DLG2: variants seen among roughly 807,000 people sequenced by gnomAD.
DLG2 encodes the protein discs large MAGUK scaffold protein 2.
A neutral mutation model predicts 132.5 loss-of-function variants in DLG2; 45 were observed. The observed-to-expected ratio is 0.34, with a 90% CI of 0.27 to 0.44. The LOEUF is 0.44. DLG2 is among the 20% of genes least tolerant of loss of function. The pLI, the probability that DLG2 is intolerant of heterozygous loss-of-function variation, is 1.00. For missense variants in DLG2, 1,045 were observed against 1,196.9 expected, an observed-to-expected ratio of 0.87 and a Z score of 1.87; for synonymous variants, 424 against 419.6, an observed-to-expected ratio of 1.01 and a Z score of -0.13.
At chr11:84,041,620 C>T (rs1014379192) in intron 11 of DLG2, among the ~76,000 whole-genome samples, 1 of 151,992 alleles carries the variant, frequency 6.6e-6, no homozygotes, top group Non-Finnish European at 1.5e-5. Context: ...CTGTTTTACT[C>T]TGTCAGTGAC....
intron 4 of DLG2, among the ~76,000 whole-genome samples, chr11:85,165,743 A>G (rs1566957811): frequency 6.6e-6 from 1 of 152,184 alleles, no homozygotes; most frequent in Admixed American, 6.5e-5. Flanking sequence ...TATTTTTAAA[A>G]TATCATCTAA....
intron 7 of DLG2, among the ~76,000 whole-genome samples, chr11:84,305,713 A>G (rs1220582105): frequency 1.3e-5 from 2 of 152,118 alleles, no homozygotes; most frequent in Non-Finnish European, 2.9e-5. Context: ...ATCCTTTGAT[A>G]GGTAATGAGG....
chr11:83,993,211 C>A (rs1334916782), intron 11 of DLG2, among the ~76,000 whole-genome samples: 1 of 152,076 alleles, frequency 6.6e-6, no homozygotes, highest in Non-Finnish European at 1.5e-5. Context: ...TATGTTAGCA[C>A]AGTGCTGACA....
intron 5 of DLG2, among the ~76,000 whole-genome samples, chr11:85,146,370 A>T (rs1249060499): frequency 1.3e-5 from 2 of 151,920 alleles, no homozygotes; most frequent in Non-Finnish European, 2.9e-5. Context: ...TTTGGGTCTT[A>T]TCCAAGGTCC....
intron 6 of DLG2, among the ~76,000 whole-genome samples, chr11:84,641,145 G>A (rs985436004): frequency 1.3e-5 from 2 of 152,128 alleles, no homozygotes; most frequent in African/African-American, 4.8e-5. Context: ...TAAGAGAACA[G>A]ACCTTGAATC....
intron 6 of DLG2, among the ~76,000 whole-genome samples, chr11:84,551,307 T>C (rs2099401360): frequency 6.6e-6 from 1 of 152,222 alleles, no homozygotes; most frequent in Non-Finnish European, 1.5e-5. Context: ...AAAGCATATT[T>C]ATACTTGATC....
chr11:83,865,705 G>A (rs1466493627), intron 16 of DLG2, among the ~76,000 whole-genome samples: 1 of 152,024 alleles, frequency 6.6e-6, no homozygotes, highest in Non-Finnish European at 1.5e-5. Flanking sequence ...TAAAACCGAA[G>A]GAACAGCAGA....
intron 18 of DLG2, among the ~76,000 whole-genome samples, chr11:83,642,984 A>C (rs953865809): frequency 2.6e-5 from 4 of 152,144 alleles, no homozygotes; most frequent in East Asian, 1.9e-4. Flanking sequence ...ATAAAAAAAA[A>C]CCGTGAAGCT....
chr11:85,400,422 C>G (rs1223199166), intron 3 of DLG2, among the ~76,000 whole-genome samples: 3 of 143,188 alleles, frequency 2.1e-5, no homozygotes, highest in Non-Finnish European at 4.6e-5. Context: ...CCCAGCCATC[C>G]CATTACTGGG....
At chr11:83,478,476 T>C (rs1427327155) in intron 22 of DLG2, among the ~76,000 whole-genome samples, 1 of 152,088 alleles carries the variant, frequency 6.6e-6, no homozygotes, top group African/African-American at 2.4e-5. Flanking sequence ...TATGTGCAAC[T>C]AGTATTTAGA....
chr11:84,751,844 T>C lies in DLG2; in HGVS notation c.358-217113A>G, dbSNP rs11234156. ...CAGGTACAAAATTAAAAACCATGGA[T>C]TGGCAAAGAAAAAATTAGATAAACT... is the stretch of plus-strand genomic sequence containing the variant. On this transcript the variant is annotated intron_variant, in intron 6 of 27. Coordinates refer to ENST00000376104, the MANE Select transcript of DLG2 (RefSeq NM_001142699.3). Among the ~76,000 whole-genome samples, 34 of 152,294 alleles carry C rather than the reference T, an allele frequency of 2.2e-4. 1 individual carries two copies. Among genetic ancestry groups the C allele is most frequent in the Non-Finnish European group, 3.4e-4 (23 of 68,014 alleles).
intron 7 of DLG2, among the ~76,000 whole-genome samples, chr11:84,397,169 G>C (rs898092008): frequency 1.3e-5 from 2 of 152,098 alleles, no homozygotes; most frequent in African/African-American, 4.8e-5. Flanking sequence ...AGGATAAATG[G>C]CTAGCAAGAG....
chr11:84,741,329 C>T (rs1459531045), intron 6 of DLG2, among the ~76,000 whole-genome samples: 1 of 152,110 alleles, frequency 6.6e-6, no homozygotes, highest in Non-Finnish European at 1.5e-5. Flanking sequence ...GCTGGGATTA[C>T]AGGCGTGAGC....
intron 7 of DLG2, among the ~76,000 whole-genome samples, chr11:84,430,828 C>T (rs1355927087): frequency 6.6e-6 from 1 of 152,180 alleles, no homozygotes; most frequent in Non-Finnish European, 1.5e-5. Flanking sequence ...AGCAGGGCTG[C>T]GTTCAGCATG....
At chr11:85,390,349 A>T (rs1233520319) in intron 3 of DLG2, among the ~76,000 whole-genome samples, 1 of 152,184 alleles carries the variant, frequency 6.6e-6, no homozygotes, top group East Asian at 1.9e-4. Flanking sequence ...TCCCAAATTT[A>T]TAAAACATTT....
chr11:84,044,982 T>C (rs2096208343), intron 11 of DLG2, among the ~76,000 whole-genome samples: 1 of 151,760 alleles, frequency 6.6e-6, no homozygotes, highest in Admixed American at 6.6e-5. Flanking sequence ...ACTGCTTCTT[T>C]TGTCACTGTA....
chr11:83,524,867 T>A (rs1592473590), intron 21 of DLG2, among the ~76,000 whole-genome samples: 1 of 152,330 alleles, frequency 6.6e-6, no homozygotes, highest in Non-Finnish European at 1.5e-5. Flanking sequence ...ACGATATCTC[T>A]TTTAGAAACT....
At position 84,580,226 on chromosome 11, in the gene DLG2, G is replaced by T. The variant is rs56798062; in HGVS notation, c.358-45495C>A. Among the ~76,000 whole-genome samples the T allele has an allele frequency of 2.7e-4, 41 of 152,278 alleles. 1 individual carries two copies. In the East Asian group the frequency reaches 7.7e-3, roughly 29 times the overall value. On this transcript the variant is annotated intron_variant, in intron 6 of 27. Transcript: ENST00000376104. ...ATGCTGTGGGTTTCATCAAGCCTCA[G>T]ACATTTTCCTGGATCATAAATAATG...
At chr11:84,273,735 T>C (rs12294968) in intron 7 of DLG2, among the ~76,000 whole-genome samples, 111,982 of 152,100 alleles carry the variant, frequency 0.74, 41,812 homozygotes, top group Middle Eastern at 0.83. Context: ...CAGCACTTGT[T>C]TGCTGTGTCA....
Sources: allele counts gnomAD v4.1 joint callset (sites outside exome capture counted in the v4.1 genomes callset), GRCh38; gene constraint gnomAD v4.1.1; transcripts MANE v1.5; gene names NCBI Gene and HGNC (gene_info 2026-07-23, HGNC 2026-07-21).